Variants in ERMP1 observed in about 807,000 individuals in gnomAD.
The protein encoded by ERMP1 is Felix-ina.
In ERMP1, 86 loss-of-function variants were observed where a neutral mutation model predicts 92.0. That is an observed-to-expected ratio of 0.93 (90% CI 0.79 to 1.12). The LOEUF (loss-of-function observed/expected upper bound fraction) is 1.12. Ranked by LOEUF, ERMP1 falls within the 50% of genes most tolerant of loss-of-function variation. The pLI, the probability that ERMP1 is intolerant of heterozygous loss-of-function variation, is 0.00. For synonymous variants in ERMP1, 530 were observed against 412.8 expected (o/e 1.28, Z -3.44); for missense variants, 1,342 against 1,116.3 (o/e 1.20, Z -2.88).
chr9:5,790,142 G>A (rs945156806), intron 13 of ERMP1, among the ~76,000 whole-genome samples: 2 of 150,076 alleles, frequency 1.3e-5, no homozygotes, highest in Non-Finnish European at 3.0e-5. Context: ...TGTTGTATGG[G>A]TTAATTGGTG....
intron 1 of ERMP1, among the ~76,000 whole-genome samples, chr9:5,831,472 C>T (rs1829936653): frequency 6.6e-6 from 1 of 152,022 alleles, no homozygotes; most frequent in African/African-American, 2.4e-5. Context: ...CAGATGTAGA[C>T]TACTATCCGC....
At position 5,801,341 on chromosome 9, in the gene ERMP1, C is replaced by T; in HGVS notation, c.1915-13G>A. 1.2e-6 allele frequency: 2 copies of T among 1,600,502 alleles called. No individual in the cohort carries two copies. The highest frequency in any genetic ancestry group is 1.7e-6 in the Non-Finnish European group (2 of 1,174,912). ...AGATGAAGTTAATCTGAAACACAAA[C>T]CACAAACACAGAAATATTACAAATT... On this transcript the variant is annotated splice_polypyrimidine_tract_variant and intron_variant, in intron 10 of 14. Coordinates refer to ENST00000339450, the MANE Select transcript of ERMP1 (RefSeq NM_024896.3).
upstream of ERMP1, among the ~76,000 whole-genome samples, chr9:5,836,399 C>A (rs1381719830): frequency 1.3e-5 from 2 of 152,102 alleles, no homozygotes; most frequent in African/African-American, 2.4e-5. Flanking sequence ...GGTACCAAGC[C>A]AAGAGATGAG....
rs1164334006 is a variant in ERMP1 at position 5,786,083 on chromosome 9, G to A, written c.*1061C>T. On this transcript the variant is annotated 3_prime_UTR_variant, in exon 15 of 15. Transcript: ENST00000339450. ...GTATAAGCCACAACCTCAAGTCTCA[G>A]GAAAGCCAGTCTGCTGGATAGTAAG... The A allele has an allele frequency of 6.6e-6, 1 of 152,176 alleles. No homozygotes were observed. The highest frequency in any genetic ancestry group is 1.5e-5 in the Non-Finnish European group (1 of 68,056). 9.4% of individuals were successfully genotyped at this position (152,176 alleles called of 1,614,324 possible).
intron 6 of ERMP1, among the ~76,000 whole-genome samples, chr9:5,840,057 C>T (rs539900864): frequency 1.3e-5 from 2 of 152,188 alleles, no homozygotes; most frequent in Admixed American, 1.3e-4. Context: ...ACCTGGCCAA[C>T]ATGGTGAAAC....
chr9:5,787,506 C>T lies in ERMP1; in HGVS notation c.2474G>A (p.Ser825Asn). The T allele has an allele frequency of 1.2e-6, 2 of 1,614,168 alleles. No homozygotes were observed. Among genetic ancestry groups the T allele is most frequent in the Non-Finnish European group, 1.7e-6 (2 of 1,179,978 alleles). Residue 825 changes from serine to asparagine, a missense_variant, in exon 14 of 15, where the codon AGT becomes AAT. Transcript: ENST00000339450. ...WSLGNGTPVT[S>N]KGGDYFVFYS... ...AAAGACAAAGTAGTCTCCTCCTTTA[C>T]TTGTGACTGGGGTGCCATTGCCAAG...
Position 5,797,875 on chromosome 9 carries a change from T to C in ERMP1, c.2328A>G (p.Arg776=). The change falls in exon 13 of 15, where the codon CGA becomes CGG. Residue 776 remains arginine, a synonymous_variant. Coordinates refer to ENST00000339450, the MANE Select transcript of ERMP1 (RefSeq NM_024896.3). ...AAGGTGTCTGTTCTTTGGATATGAG[T>C]CGGAAATGAGGAGGATTTCTTGGAG... ...EVSPRNPPHF[R]LISKEQTPWD... 1 of 1,613,862 alleles carries C rather than the reference T, an allele frequency of 6.2e-7. No individual in the cohort carries two copies. Among genetic ancestry groups the C allele is most frequent in the Non-Finnish European group, 8.5e-7 (1 of 1,179,910 alleles).
At chr9:5,809,907 A>G in intron 8 of ERMP1, 104 bp downstream of exon 8, 1 of 755,320 alleles carries the variant, frequency 1.3e-6, no homozygotes, top group Non-Finnish European at 2.2e-6. Flanking sequence ...CATGCTGAAC[A>G]ATTTTTTAGC....
intron 5 of ERMP1, among the ~76,000 whole-genome samples, chr9:5,866,882 T>A (rs1406423107): frequency 6.6e-6 from 1 of 152,128 alleles, no homozygotes; most frequent in African/African-American, 2.4e-5. Context: ...CTCATTGGCC[T>A]CATCTGTAAA....
At chr9:5,817,136 G>A (rs1021585684) in intron 4 of ERMP1, among the ~76,000 whole-genome samples, 2 of 152,034 alleles carry the variant, frequency 1.3e-5, no homozygotes, top group African/African-American at 4.8e-5. Flanking sequence ...CTGACCTCGT[G>A]ATCCGCCTGC....
At position 5,785,149 on chromosome 9, in the gene ERMP1, C is replaced by A. The variant is rs565134283; in HGVS notation, c.*1995G>T. The A allele has an allele frequency of 6.6e-6, 1 of 151,890 alleles. No homozygotes were observed. The highest frequency in any genetic ancestry group is 1.5e-5 in the Non-Finnish European group (1 of 67,986). The allele number at this position is 151,890 out of a possible 1,614,324, so 9.4% of individuals were successfully genotyped here. A position where few individuals can be genotyped will look rare whatever the true frequency, so the allele number is the denominator to read the frequency against. On this transcript the variant is annotated 3_prime_UTR_variant, in exon 15 of 15. Transcript: ENST00000339450. ...TGTACAATACCAAAGCTTCATAATG[C>A]TAAAGAAAACCAAAACAAAAGACAA...
chr9:5,815,647 T>C (rs972603), intron 4 of ERMP1, among the ~76,000 whole-genome samples: 50,063 of 152,016 alleles, frequency 0.33, 9,044 homozygotes, highest in East Asian at 0.59. Flanking sequence ...CATCAATGAT[T>C]GCTAAAACTA....
intron 8 of ERMP1, among the ~76,000 whole-genome samples, chr9:5,807,855 TTA>T (rs984334361): frequency 8.5e-5 from 13 of 152,212 alleles, no homozygotes; most frequent in African/African-American, 3.1e-4. Context: ...TACAGCATAG[TTA>T]TATGTCAGTC....
intron 4 of ERMP1, among the ~76,000 whole-genome samples, chr9:5,814,193 G>A (rs965857575): frequency 1.3e-5 from 2 of 152,094 alleles, no homozygotes. Flanking sequence ...TTCTCCTTCA[G>A]CCTGGATCCC....
intron 12 of ERMP1, among the ~76,000 whole-genome samples, chr9:5,798,532 A>C (rs2131214352): frequency 6.6e-6 from 1 of 152,062 alleles, no homozygotes; most frequent in South Asian, 2.1e-4. Context: ...TTTGAGATAG[A>C]TGCTTATTGG....
chr9:5,831,204 A>G (rs1047537539), intron 1 of ERMP1, among the ~76,000 whole-genome samples, 176 bp from the exon 2 acceptor site: 3 of 152,084 alleles, frequency 2.0e-5, no homozygotes, highest in Non-Finnish European at 4.4e-5. Flanking sequence ...AAAGTTCCAT[A>G]TTTTTATTGT....
At chr9:5,791,270 A>T (rs1360686668) in intron 13 of ERMP1, 2 of 456,828 alleles carry the variant, frequency 4.4e-6, no homozygotes, top group Admixed American at 4.7e-5. Flanking sequence ...AATCTGAAGG[A>T]TAGGCAGGCA....
At chr9:5,842,434 C>CAAAAAAAAAAAAAA (rs57411750) in intron 6 of ERMP1, among the ~76,000 whole-genome samples, 2 of 107,884 alleles carry the variant, frequency 1.9e-5, no homozygotes, top group Admixed American at 1.0e-4. Flanking sequence ...GAGACTGTCT[C>CAAAAAAAAAAAAAA]AAAAAAAAAA....
intron 2 of ERMP1, among the ~76,000 whole-genome samples, chr9:5,827,685 C>A (rs2129668572): frequency 6.6e-6 from 1 of 151,998 alleles, no homozygotes; most frequent in South Asian, 2.1e-4. Context: ...CACAGTGAAA[C>A]CCCATCTCTA....
Sources: allele counts gnomAD v4.1 joint callset (sites outside exome capture counted in the v4.1 genomes callset), GRCh38; gene constraint gnomAD v4.1.1; transcripts MANE v1.5; gene names NCBI Gene and HGNC (gene_info 2026-07-23, HGNC 2026-07-21).